NUMA1: variants seen among roughly 807,000 people sequenced by gnomAD.
NUMA1 encodes the protein SP-H antigen.
Under a neutral mutation model 237.1 loss-of-function variants are expected in NUMA1, and 62 were observed. That is an observed-to-expected ratio of 0.26 (90% CI 0.21 to 0.32). NUMA1 has a LOEUF of 0.32. NUMA1 is among the 10% of genes least tolerant of loss of function. The pLI is 1.00. For synonymous variants in NUMA1, 1,028 were observed against 1,066.1 expected (o/e 0.96, Z 0.70); for missense variants, 2,533 against 2,666.5 (o/e 0.95, Z 1.10).
In NUMA1 at chr11:72,008,852, A is replaced by G. The variant is rs1955939174; in HGVS notation, c.5059-7T>C. The G allele has an allele frequency of 6.2e-7, 1 of 1,614,148 alleles. No individual in the cohort carries two copies. ...GCTGGTCTGCATGGGCAACCTGAGA[A>G]GGAGAGGGCCAGGGGGAGAGTGAAG... On this transcript the variant is annotated splice_region_variant and splice_polypyrimidine_tract_variant and intron_variant, in intron 19 of 26. Coordinates refer to ENST00000393695, the MANE Select transcript of NUMA1 (RefSeq NM_006185.4).
At position 72,012,391 on chromosome 11, in the gene NUMA1, C is replaced by T. The variant is rs1195953222; in HGVS notation, c.4650+10G>A. The T allele has an allele frequency of 1.9e-6, 3 of 1,612,622 alleles. No homozygotes were observed. The Admixed American group carries it at 5.0e-5, about 27-fold the overall frequency. On this transcript the variant is annotated intron_variant, in intron 16 of 26. Coordinates refer to ENST00000393695, the MANE Select transcript of NUMA1 (RefSeq NM_006185.4). ...AGCAGCCAGCATTTAGCGAGGACCT[C>T]AGGCATTACCTGCTTAGTTTGCTCT...
chr11:72,076,437 A>T (rs183166919), intron 1 of NUMA1: 2 of 152,310 alleles, frequency 1.3e-5, no homozygotes, highest in African/African-American at 4.8e-5. Flanking sequence ...GTAGTGAAAA[A>T]CAAACAAACG....
rs756302292 is a variant in NUMA1, at chr11:72,023,129, G to A, written c.227C>T (p.Ser76Phe). The A allele has an allele frequency of 1.2e-6, 2 of 1,613,728 alleles. No homozygotes were observed. The highest frequency in any genetic ancestry group is 2.2e-5 in the East Asian group (1 of 44,874). The change falls in exon 6 of 27, where the codon TCT becomes TTT. Residue 76 changes from serine to phenylalanine, a missense_variant. Ser to Phe is a radical substitution (Grantham distance 155). Transcript: ENST00000393695. The stretch of plus-strand genomic sequence containing the variant: ...TGCAGATACCAGGCATTCTGGGGAA[G>A]AGGGATGTTTTCGATTTTCTGCAAT... The part of the protein sequence containing the change: ...SFLQKNRKHP[S>F]SPECLVSAQK...
At position 72,080,446 on chromosome 11, in the gene NUMA1, C is replaced by G. The variant is rs1944076918; in HGVS notation, c.-103+12G>C. ...CCAGGCCGCACGCCAAACGCGGGCC[C>G]GCGCCGGTTACCTGGCTGCGCGCTC... On this transcript the variant is annotated intron_variant, in intron 1 of 26. Coordinates refer to ENST00000393695, the MANE Select transcript of NUMA1 (RefSeq NM_006185.4). 6.6e-6 allele frequency: 1 copy of G among 152,158 alleles called. No individual in the cohort carries two copies. The highest frequency in any genetic ancestry group is 1.5e-5 in the Non-Finnish European group (1 of 68,048). 9.4% of individuals were successfully genotyped at this position (152,158 alleles called of 1,614,324 possible). A position where few individuals can be genotyped will look rare whatever the true frequency, so the allele number is the denominator to read the frequency against.
chr11:72,009,976 G>T (rs983168982), intron 17 of NUMA1, among the ~76,000 whole-genome samples: 1 of 152,208 alleles, frequency 6.6e-6, no homozygotes, highest in African/African-American at 2.4e-5. Flanking sequence ...AACTCCTTAA[G>T]AGCAGGGCCT....
rs535299218 is a variant in NUMA1 at position 72,069,421 on chromosome 11, C to T, written c.-33+421G>A. 9.8e-5 allele frequency among the ~76,000 whole-genome samples: 15 copies of T among 152,294 alleles called. No homozygotes were observed. The East Asian group carries it at 2.9e-3, about 29-fold the overall frequency. On this transcript the variant is annotated intron_variant, in intron 2 of 26. Coordinates refer to ENST00000393695, the MANE Select transcript of NUMA1 (RefSeq NM_006185.4). The stretch of plus-strand genomic sequence containing the variant: ...ATACTTATGTATACAGCTCCTCCTC[C>T]CCTGCTTCTCACTTCCTTCACTCCC...
intron 1 of NUMA1, among the ~76,000 whole-genome samples, chr11:72,079,905 C>T (rs1414547527): frequency 6.6e-6 from 1 of 152,116 alleles, no homozygotes; most frequent in Admixed American, 6.5e-5. Context: ...AAAGCACCTT[C>T]CCCGTCCCCA....
chr11:72,019,669 T>A (rs2298456), intron 8 of NUMA1, 52 bp from the exon 9 acceptor site: 1,468,866 of 1,587,410 alleles, frequency 0.93, 681,562 homozygotes, highest in Non-Finnish European at 0.95. Flanking sequence ...TAAGAAGGTG[T>A]AAAGATTTGC....
intron 2 of NUMA1, among the ~76,000 whole-genome samples, chr11:72,037,286 G>A (rs527779922): frequency 5.9e-5 from 9 of 152,232 alleles, no homozygotes; most frequent in South Asian, 2.1e-4. Context: ...CGGGTGGATC[G>A]CAAGGTCAGG....
chr11:72,023,132 G>A lies in NUMA1; in HGVS notation c.224C>T (p.Pro75Leu). 6.2e-7 allele frequency: 1 copy of A among 1,613,416 alleles called. No individual in the cohort carries two copies. Among genetic ancestry groups the A allele is most frequent in the Middle Eastern group, 1.7e-4 (1 of 6,060 alleles). ...AGATACCAGGCATTCTGGGGAAGAG[G>A]GATGTTTTCGATTTTCTGCAATGAC... ...CSFLQKNRKH[P>L]SSPECLVSAQ... The change falls in exon 6 of 27, where the codon CCC becomes CTC. Residue 75 changes from proline to leucine, a missense_variant. Pro to Leu is a moderately conservative substitution (Grantham distance 98). This residue lies in a region of NUMA1 where 1,414 missense variants were observed against 1,508.1 expected (regional missense o/e 0.94). Coordinates refer to ENST00000393695, the MANE Select transcript of NUMA1 (RefSeq NM_006185.4).
intron 9 of NUMA1, 45 bp from the exon 10 acceptor site, chr11:72,019,025 C>G (rs78877838): frequency 0.03 from 48,565 of 1,603,088 alleles, 811 homozygotes; most frequent in East Asian, 0.064. Flanking sequence ...CGCCTAAGAT[C>G]TGAAGCAATC....
rs1470730176 is a variant in NUMA1, at chr11:72,035,944, C to T, written c.-1G>A. The T allele has an allele frequency of 6.2e-7, 1 of 1,614,092 alleles. No homozygotes were observed. Among genetic ancestry groups the T allele is most frequent in the South Asian group, 1.1e-5 (1 of 91,072 alleles). ...CCCCCCGGGTGGCGTGGAGTGTCAT[C>T]TTGGTGATGCCAGACAGTCACTCCA... On this transcript the variant is annotated 5_prime_UTR_variant, in exon 3 of 27. Transcript: ENST00000393695.
chr11:72,008,334 C>T, intron 20 of NUMA1: 1 of 393,988 alleles, frequency 2.5e-6, no homozygotes, highest in African/African-American at 2.1e-5. Flanking sequence ...TTCCTCAATG[C>T]CTTTAGGATC....
At position 72,018,931 on chromosome 11, in the gene NUMA1, G is replaced by A; in HGVS notation, c.634C>T (p.Pro212Ser). 1 of 1,614,064 alleles carries A rather than the reference G, an allele frequency of 6.2e-7. No individual in the cohort carries two copies. Among genetic ancestry groups the A allele is most frequent in the Non-Finnish European group, 8.5e-7 (1 of 1,180,014 alleles). Residue 212 changes from proline to serine, a missense_variant, in exon 10 of 27, where the codon CCA becomes TCA. Physicochemically the swap from Pro to Ser is moderately conservative, Grantham distance 74. Coordinates refer to ENST00000393695, the MANE Select transcript of NUMA1 (RefSeq NM_006185.4). Reference sequence around the variant, plus strand: ...TTCAGCCGTCTCATCTGGAACTGTGGGGTCTGCAGGATATCACCCATGGGA... The same window carrying A: ...TTCAGCCGTCTCATCTGGAACTGTGAGGTCTGCAGGATATCACCCATGGGA... ...ASPMGDILQT[P>S]QFQMRRLKKQ...
chr11:72,010,660 C>T, intron 17 of NUMA1, 126 bp downstream of exon 17: 1 of 909,532 alleles, frequency 1.1e-6, no homozygotes, highest in African/African-American at 1.7e-5. Flanking sequence ...CCACAGGCTT[C>T]CTAGGAGGGC....
intron 7 of NUMA1, 31 bp downstream of exon 7, chr11:72,022,308 T>G: frequency 6.0e-6 from 9 of 1,497,868 alleles, no homozygotes; most frequent in Non-Finnish European, 8.4e-6. Flanking sequence ...GGGCTAGGCC[T>G]GCTAGGTGGC....
intron 4 of NUMA1, among the ~76,000 whole-genome samples, chr11:72,025,468 C>T (rs1939458776): frequency 6.6e-6 from 1 of 152,074 alleles, no homozygotes; most frequent in Non-Finnish European, 1.5e-5. Flanking sequence ...CTTTTGCCAT[C>T]TCAGCCTTCA....
chr11:72,012,877 T>C lies in NUMA1; in HGVS notation c.4608+18A>G, dbSNP rs752587491. On this transcript the variant is annotated intron_variant, in intron 15 of 26. Coordinates refer to ENST00000393695, the MANE Select transcript of NUMA1 (RefSeq NM_006185.4). Reference sequence around the variant, plus strand: ...CAGCTCCTGATCTTTGGGAGGGTGGTTGGGCTGAGTACCTTACCTGGGCAG... The same window carrying C: ...CAGCTCCTGATCTTTGGGAGGGTGGCTGGGCTGAGTACCTTACCTGGGCAG... 2 of 1,608,312 alleles carry C rather than the reference T, an allele frequency of 1.2e-6. No homozygotes were observed. Among genetic ancestry groups the C allele is most frequent in the Non-Finnish European group, 8.5e-7 (1 of 1,176,204 alleles).
intron 4 of NUMA1, among the ~76,000 whole-genome samples, chr11:72,028,136 T>C (rs1287482041): frequency 6.6e-6 from 1 of 152,224 alleles, no homozygotes; most frequent in African/African-American, 2.4e-5. Flanking sequence ...TTGGCCCCGC[T>C]AGACCTTGCT....
Sources: gnomAD v4.1 joint callset for allele counts (sites outside exome capture counted in the v4.1 genomes callset) on GRCh38, gnomAD v4.1.1 for gene constraint, gnomAD v4.1.1 regional missense constraint, MANE v1.5 for transcripts, NCBI Gene and HGNC (gene_info 2026-07-23, HGNC 2026-07-21) for gene names.